The following CEP112 variants were observed in gnomAD, a reference collection of about 807,000 sequenced individuals.
The protein encoded by CEP112 is centrosomal protein of 112 kDa.
In CEP112, 127 loss-of-function variants were observed where a neutral mutation model predicts 153.0. The ratio of observed to expected loss-of-function variants is 0.83; its 90% CI spans 0.72 to 0.96. CEP112 has a LOEUF of 0.96. Ranked by LOEUF, CEP112 falls within the 40% of genes least tolerant of loss-of-function variation. CEP112 has a pLI of 0.00. For synonymous variants in CEP112, 358 were observed against 374.4 expected, an observed-to-expected ratio of 0.96 and a Z score of 0.51; for missense variants, 1,089 against 1,101.2, an observed-to-expected ratio of 0.99 and a Z score of 0.16.
chr17:65,803,924 C>T (rs556945762), intron 21 of CEP112, among the ~76,000 whole-genome samples: 1 of 152,248 alleles, frequency 6.6e-6, no homozygotes, highest in South Asian at 2.1e-4. Flanking sequence ...TAATGATGGA[C>T]TATTCAATAT....
intron 21 of CEP112, among the ~76,000 whole-genome samples, chr17:65,800,758 C>T (rs1283076387): frequency 1.3e-5 from 2 of 152,152 alleles, no homozygotes; most frequent in African/African-American, 4.8e-5. Context: ...GTATTCATGT[C>T]TTTTCCAACA....
intron 17 of CEP112, 47 bp from the exon 18 acceptor site, chr17:65,961,645 G>A: frequency 6.6e-7 from 1 of 1,515,680 alleles, no homozygotes; most frequent in South Asian, 1.3e-5. Context: ...AAAAGAGCTA[G>A]GCCTGAATGA....
intron 21 of CEP112, among the ~76,000 whole-genome samples, chr17:65,802,409 C>T (rs767371580): frequency 2.6e-5 from 4 of 152,124 alleles, no homozygotes; most frequent in Non-Finnish European, 4.4e-5. Flanking sequence ...TGCAAAACTA[C>T]ATCCTCAGCA....
chr17:65,678,888 A>G (rs993001015), intron 24 of CEP112, among the ~76,000 whole-genome samples: 1 of 152,072 alleles, frequency 6.6e-6, no homozygotes, highest in African/African-American at 2.4e-5. Flanking sequence ...AAACAAAGAG[A>G]ATCTCAAGAA....
chr17:66,137,054 T>G (rs2070466113), intron 4 of CEP112, among the ~76,000 whole-genome samples: 1 of 152,108 alleles, frequency 6.6e-6, no homozygotes, highest in African/African-American at 2.4e-5. Flanking sequence ...GGTAAATGGA[T>G]TAGCTGGTAA....
rs1175804497 is a variant in CEP112 at position 65,725,612 on chromosome 17, A to G, written c.2607+17456T>C. Reference sequence around the variant, plus strand: ...GATTACAGGTGTGAGCCACTGTATTAGTCTGTTTTCATGCTGTTGGTAAAG... The same window carrying G: ...GATTACAGGTGTGAGCCACTGTATTGGTCTGTTTTCATGCTGTTGGTAAAG... On this transcript the variant is annotated intron_variant, in intron 23 of 26. Coordinates refer to ENST00000535342, the MANE Select transcript of CEP112 (RefSeq NM_001199165.4). Among the ~76,000 whole-genome samples, 5 of 152,278 alleles carry G rather than the reference A, an allele frequency of 3.3e-5. No homozygotes were observed. The East Asian group carries it at 9.7e-4, about 29-fold the overall frequency.
At chr17:65,753,434 A>T (rs2052014036) in intron 21 of CEP112, among the ~76,000 whole-genome samples, 1 of 152,182 alleles carries the variant, frequency 6.6e-6, no homozygotes, top group South Asian at 2.1e-4. Context: ...TAAGTTCAAA[A>T]CCAATTCTTT....
intron 11 of CEP112, among the ~76,000 whole-genome samples, chr17:66,062,311 G>T (rs28613416): frequency 0.074 from 11,274 of 152,018 alleles, 423 homozygotes; most frequent in African/African-American, 0.091. Context: ...TAATATAGGA[G>T]AAATAAATTA....
chr17:66,144,297 G>C (rs1462720423), intron 4 of CEP112, among the ~76,000 whole-genome samples: 18 of 152,142 alleles, frequency 1.2e-4, no homozygotes. Context: ...GTATTTTCAA[G>C]AGTCTCATAT....
chr17:66,019,153 C>G (rs192860843), intron 16 of CEP112, among the ~76,000 whole-genome samples: 1 of 152,132 alleles, frequency 6.6e-6, no homozygotes, highest in Non-Finnish European at 1.5e-5. Flanking sequence ...GTTTCTTTTA[C>G]CTCAAAGACA....
At chr17:65,773,851 G>A (rs1035395121) in intron 21 of CEP112, among the ~76,000 whole-genome samples, 2 of 152,108 alleles carry the variant, frequency 1.3e-5, no homozygotes, top group African/African-American at 2.4e-5. Context: ...TTGGGAGGAC[G>A]AGGCAGGTGG....
chr17:66,154,234 G>A (rs898377009), intron 4 of CEP112, among the ~76,000 whole-genome samples: 2 of 151,718 alleles, frequency 1.3e-5, no homozygotes, highest in East Asian at 3.9e-4. Flanking sequence ...ATAATGCTAG[G>A]CTGGGCACGG....
intron 7 of CEP112, 127 bp downstream of exon 7, chr17:66,096,458 A>G: frequency 8.7e-7 from 1 of 1,148,468 alleles, no homozygotes; most frequent in East Asian, 2.4e-5. Flanking sequence ...ATCACTTCCA[A>G]GTGATAAAAT....
At chr17:66,030,116 G>GGATA (rs2065401096) in intron 12 of CEP112, 93 bp from the exon 13 acceptor site, 2 of 993,892 alleles carry the variant, frequency 2.0e-6, no homozygotes, top group African/African-American at 1.6e-5. Flanking sequence ...TAATCTATAA[G>GGATA]AATAAATAAA....
intron 21 of CEP112, among the ~76,000 whole-genome samples, chr17:65,778,307 A>G (rs2053799754): frequency 6.6e-6 from 1 of 152,226 alleles, no homozygotes; most frequent in African/African-American, 2.4e-5. Flanking sequence ...ATATGGATTA[A>G]TGGGGCTTTT....
At chr17:65,816,251 A>G (rs2056256107) in intron 21 of CEP112, among the ~76,000 whole-genome samples, 1 of 152,090 alleles carries the variant, frequency 6.6e-6, no homozygotes, top group African/African-American at 2.4e-5. Flanking sequence ...AAAGTTGTAC[A>G]ACCATCACTA....
chr17:66,023,222 GAA>G lies in CEP112; in HGVS notation c.1656+4277_1656+4278del, dbSNP rs563074953. On this transcript the variant is annotated intron_variant, in intron 16 of 26. Coordinates refer to ENST00000535342, the MANE Select transcript of CEP112 (RefSeq NM_001199165.4). ...CATACAAGAAGTGCAACAAACACTA[GAA>G]AAAGATATTGCAAGATGCAGTTTAC... Among the ~76,000 whole-genome samples, 3 of 152,076 alleles carry G rather than the reference GAA, an allele frequency of 2.0e-5. No individual in the cohort carries two copies. The South Asian group carries it at 6.2e-4, about 32-fold the overall frequency.
rs540543565 is a variant in CEP112, at chr17:65,912,776, C to T, written c.1981-10442G>A. ...CATCAAATTAATAGTTCAAGGGGCA[C>T]ATTGCTTTAAAGGATTGGCCATTAA... On this transcript the variant is annotated intron_variant, in intron 19 of 26. Coordinates refer to ENST00000535342, the MANE Select transcript of CEP112 (RefSeq NM_001199165.4). Among the ~76,000 whole-genome samples, 6 of 152,262 alleles carry T rather than the reference C, an allele frequency of 3.9e-5. No individual in the cohort carries two copies. In the East Asian group the frequency reaches 1.2e-3, roughly 29 times the overall value.
intron 20 of CEP112, among the ~76,000 whole-genome samples, chr17:65,867,432 A>G (rs867721057): frequency 3.8e-4 from 58 of 152,244 alleles, no homozygotes; most frequent in African/African-American, 1.4e-3. Flanking sequence ...CAACACCCCA[A>G]GGATCCTGTA....
Sources: gnomAD v4.1 joint callset for allele counts (sites outside exome capture counted in the v4.1 genomes callset) on GRCh38, gnomAD v4.1.1 for gene constraint, MANE v1.5 for transcripts, NCBI Gene and HGNC (gene_info 2026-07-23, HGNC 2026-07-21) for gene names.